ARIH2: variants seen among roughly 807,000 people sequenced by gnomAD.
The protein encoded by ARIH2 is E3 ubiquitin-protein ligase ARIH2.
A neutral mutation model predicts 79.8 loss-of-function variants in ARIH2; 12 were observed. That is an observed-to-expected ratio of 0.15 (90% CI 0.10 to 0.24). The LOEUF is 0.24. Among genes scored for constraint, ARIH2 ranks in the 10% least tolerant of loss-of-function variants. ARIH2 has a pLI of 1.00. For synonymous variants in ARIH2, 224 were observed against 213.9 expected, an observed-to-expected ratio of 1.05 and a Z score of -0.41; for missense variants, 301 against 618.3, an observed-to-expected ratio of 0.49 and a Z score of 5.44.
chr3:48,973,575 CAA>C (rs537764456), intron 8 of ARIH2, 122 bp from the exon 9 acceptor site: 21,113 of 415,508 alleles, frequency 0.051, 1 homozygote, highest in South Asian at 0.064. Flanking sequence ...GACTCTGTCT[CAA>C]AAAAAAAAAA....
At chr3:48,959,267 G>A (rs1276766918) in intron 3 of ARIH2, among the ~76,000 whole-genome samples, 3 of 146,608 alleles carry the variant, frequency 2.0e-5, no homozygotes, top group Admixed American at 6.9e-5. Context: ...AGTGAGCCGA[G>A]ATTGCACCAC....
chr3:48,951,581 A>G (rs1317633215), intron 3 of ARIH2, among the ~76,000 whole-genome samples: 2 of 152,154 alleles, frequency 1.3e-5, no homozygotes, highest in Non-Finnish European at 2.9e-5. Context: ...AAGGGTTTCG[A>G]TCATGACTTC....
intron 3 of ARIH2, among the ~76,000 whole-genome samples, chr3:48,949,325 A>C (rs1452893427): frequency 1.3e-5 from 2 of 152,042 alleles, no homozygotes; most frequent in Non-Finnish European, 2.9e-5. Flanking sequence ...TCACCGTGTT[A>C]GCCAGGATGG....
intron 7 of ARIH2, among the ~76,000 whole-genome samples, chr3:48,969,843 C>T (rs1185986935): frequency 6.0e-5 from 9 of 150,186 alleles, no homozygotes; most frequent in Admixed American, 4.7e-4. Flanking sequence ...AGGCCTTGTT[C>T]TTTATGCTGT....
intron 9 of ARIH2, chr3:48,974,576 A>C (rs2092408508): frequency 1.7e-6 from 1 of 572,126 alleles, no homozygotes; most frequent in Non-Finnish European, 3.1e-6. Context: ...GCAGGGGCAG[A>C]TGGTGGAAGA....
Position 48,970,726 on chromosome 3 carries a change from G to A in ARIH2, c.770+22G>A, listed in dbSNP as rs761107515. The A allele has an allele frequency of 3.8e-6, 6 of 1,579,794 alleles. No individual in the cohort carries two copies. In the South Asian group the frequency reaches 5.5e-5, roughly 15 times the overall value. On this transcript the variant is annotated intron_variant, in intron 8 of 15. Coordinates refer to ENST00000356401, the MANE Select transcript of ARIH2 (RefSeq NM_006321.4). Reference sequence around the variant, plus strand: ...TCTGGTAAGAGTGAGTGTGAGTGCTGAGCAGCCCTGGGCTCATGCCCCATC... The same window carrying A: ...TCTGGTAAGAGTGAGTGTGAGTGCTAAGCAGCCCTGGGCTCATGCCCCATC...
In ARIH2 at chr3:48,949,895, G is replaced by C. The variant is rs538592147; in HGVS notation, c.256-11717G>C. On this transcript the variant is annotated intron_variant, in intron 3 of 15. Transcript: ENST00000356401. ...CATTTTCTAAATGGTGTCTTTTGAAGAGTAAAAGCTTAATTTTGATGAAGT... is the reference window on the plus strand; with the variant it reads ...CATTTTCTAAATGGTGTCTTTTGAACAGTAAAAGCTTAATTTTGATGAAGT... Among the ~76,000 whole-genome samples, 20 of 150,592 alleles carry C rather than the reference G, an allele frequency of 1.3e-4. No individual in the cohort carries two copies. In the South Asian group the frequency reaches 4.0e-3, roughly 30 times the overall value.
chr3:48,943,163 T>A (rs1393455290), intron 3 of ARIH2: 1 of 152,228 alleles, frequency 6.6e-6, no homozygotes, highest in Non-Finnish European at 1.5e-5. Flanking sequence ...GTTTTTCTGA[T>A]ACATCCACTA....
intron 2 of ARIH2, among the ~76,000 whole-genome samples, chr3:48,924,259 T>G (rs192247454): frequency 2.0e-5 from 3 of 150,084 alleles, no homozygotes; most frequent in East Asian, 4.0e-4. Flanking sequence ...CCTCCCAAAG[T>G]GTGGGGATTA....
intron 11 of ARIH2, among the ~76,000 whole-genome samples, chr3:48,975,763 C>T (rs748748769): frequency 6.6e-6 from 1 of 151,980 alleles, no homozygotes; most frequent in Non-Finnish European, 1.5e-5. Context: ...TGGGGGTTTG[C>T]CATGTTCGAG....
chr3:48,976,211 C>CT (rs755997240), intron 11 of ARIH2, among the ~76,000 whole-genome samples: 1,373 of 136,252 alleles, frequency 0.01, 15 homozygotes, highest in African/African-American at 0.021. Context: ...CGAGCCTGTA[C>CT]TTTTTTTTTT....
At position 48,951,637 on chromosome 3, in the gene ARIH2, T is replaced by C. The variant is rs555040524; in HGVS notation, c.256-9975T>C. Among the ~76,000 whole-genome samples, 15 of 152,316 alleles carry C rather than the reference T, an allele frequency of 9.8e-5. No homozygotes were observed. The South Asian group carries it at 2.9e-3, about 29-fold the overall frequency. ...AGCTGCTCAGTTTTTCTTTTTCATT[T>C]TGTGTCATTGTTGGTAAGTATTCTT... is the stretch of plus-strand genomic sequence containing the variant. On this transcript the variant is annotated intron_variant, in intron 3 of 15. Coordinates refer to ENST00000356401, the MANE Select transcript of ARIH2 (RefSeq NM_006321.4).
At chr3:48,969,892 GT>G (rs1316536295) in intron 7 of ARIH2, among the ~76,000 whole-genome samples, 171 of 137,312 alleles carry the variant, frequency 1.2e-3, no homozygotes, top group East Asian at 2.3e-3. Flanking sequence ...TCAGATATAT[GT>G]TTTTTTTTTT....
At chr3:48,935,229 A>G (rs1376342795) in intron 3 of ARIH2, among the ~76,000 whole-genome samples, 1 of 152,226 alleles carries the variant, frequency 6.6e-6, no homozygotes, top group African/African-American at 2.4e-5. Flanking sequence ...AACAGGAAAA[A>G]TAACTGTAAA....
intron 13 of ARIH2, 71 bp from the exon 14 acceptor site, chr3:48,981,589 G>T (rs1009660140): frequency 1.5e-6 from 2 of 1,359,288 alleles, no homozygotes; most frequent in Admixed American, 1.8e-5. Flanking sequence ...GGTAGGAATT[G>T]TAAGAGCCAC....
At chr3:48,925,734 T>G (rs1346769559) in intron 2 of ARIH2, among the ~76,000 whole-genome samples, 1 of 151,960 alleles carries the variant, frequency 6.6e-6, no homozygotes, top group Non-Finnish European at 1.5e-5. Context: ...TTTTTTTTTT[T>G]TTTGAGATGG....
chr3:48,969,439 C>G (rs1055889463), intron 7 of ARIH2, among the ~76,000 whole-genome samples: 1 of 151,738 alleles, frequency 6.6e-6, no homozygotes, highest in Non-Finnish European at 1.5e-5. Flanking sequence ...AGGCCATCTG[C>G]TAGGCCTGCT....
At chr3:48,940,808 A>AAAAAAAAAAAAAAAAAAAAAATATATAT (rs759369585) in intron 3 of ARIH2, among the ~76,000 whole-genome samples, 1 of 98,048 alleles carries the variant, frequency 1.0e-5, no homozygotes, top group African/African-American at 4.1e-5. Context: ...AAAAAAAAAA[A>AAAAAAAAAAAAAAAAAAAAAATATATAT]ATATATATAT....
At chr3:48,962,580 G>A (rs1222446279) in intron 4 of ARIH2, among the ~76,000 whole-genome samples, 1 of 152,108 alleles carries the variant, frequency 6.6e-6, no homozygotes, top group Non-Finnish European at 1.5e-5. Flanking sequence ...GCTCACCCTC[G>A]GAGGCGTGTG....
Sources: allele counts gnomAD v4.1 joint callset (sites outside exome capture counted in the v4.1 genomes callset), GRCh38; gene constraint gnomAD v4.1.1; transcripts MANE v1.5; gene names NCBI Gene and HGNC (gene_info 2026-07-23, HGNC 2026-07-21).